Variants in PHACTR2 observed in about 807,000 individuals in gnomAD.
The protein encoded by PHACTR2 is phosphatase and actin regulator 2.
Under a neutral mutation model 76.0 loss-of-function variants are expected in PHACTR2, and 30 were observed. The ratio of observed to expected loss-of-function variants is 0.39; its 90% CI spans 0.30 to 0.54. PHACTR2 has a LOEUF of 0.54. Ranked by LOEUF, PHACTR2 falls within the 20% of genes least tolerant of loss-of-function variation. The pLI is 0.61. For missense variants in PHACTR2, 696 were observed against 781.1 expected (o/e 0.89, Z 1.30); for synonymous variants, 292 against 292.5 (o/e 1.00, Z 0.02).
At chr6:143,778,288 G>C (rs1245283478) in intron 9 of PHACTR2, among the ~76,000 whole-genome samples, 2 of 152,180 alleles carry the variant, frequency 1.3e-5, no homozygotes, top group Non-Finnish European at 2.9e-5. Context: ...TGGCCTGCTA[G>C]AAGACCCCTC....
At chr6:143,635,498 T>C (rs1315864558) in intron 1 of PHACTR2, among the ~76,000 whole-genome samples, 1 of 152,234 alleles carries the variant, frequency 6.6e-6, no homozygotes, top group Non-Finnish European at 1.5e-5. Context: ...GAGTTTTCCT[T>C]CTAAATGTTT....
At chr6:143,575,577 CTG>C (rs1347837482) in intron 1 of PHACTR2, among the ~76,000 whole-genome samples, 2 of 152,218 alleles carry the variant, frequency 1.3e-5, no homozygotes, top group Non-Finnish European at 2.9e-5. Flanking sequence ...CAATGTAATA[CTG>C]GTAAGACACC....
Position 143,700,839 on chromosome 6 carries a change from T to C in PHACTR2, c.47-11177T>C, listed in dbSNP as rs1345745104. Among the ~76,000 whole-genome samples the C allele has an allele frequency of 6.6e-6, 1 of 152,234 alleles. No individual in the cohort carries two copies. The highest frequency in any genetic ancestry group is 1.5e-5 in the Non-Finnish European group (1 of 68,034). On this transcript the variant is annotated intron_variant, in intron 1 of 12. Coordinates refer to ENST00000440869, the MANE Select transcript of PHACTR2 (RefSeq NM_001100164.2). The surrounding 1 kb of genome is among the most constrained non-coding windows in gnomAD (Gnocchi z 4.1). ...ACTTCAGACTCCGGGAGTTGTTGTA[T>C]ATGACTAACATCTACGGGGAACAAG...
chr6:143,676,101 T>A (rs140046379), upstream of PHACTR2, among the ~76,000 whole-genome samples: 193 of 152,298 alleles, frequency 1.3e-3, no homozygotes, highest in African/African-American at 4.0e-3. The surrounding 1 kb of genome is among the most constrained non-coding windows in gnomAD (Gnocchi z 4.8). Flanking sequence ...TTCCTGCAGT[T>A]TTGGTTGACA....
At chr6:143,620,014 T>C (rs1776124706) in intron 1 of PHACTR2, among the ~76,000 whole-genome samples, 1 of 152,204 alleles carries the variant, frequency 6.6e-6, no homozygotes, top group Non-Finnish European at 1.5e-5. Context: ...TCATTAACCT[T>C]AGGGTCACTT....
At chr6:143,797,300 C>A (rs1367245825) in intron 11 of PHACTR2, among the ~76,000 whole-genome samples, 1 of 152,132 alleles carries the variant, frequency 6.6e-6, no homozygotes. Context: ...TTTGTAGATT[C>A]TGGATATTAG....
chr6:143,571,281 G>C lies in PHACTR2; in HGVS notation c.217+34074G>C, dbSNP rs1775444322. On this transcript the variant is annotated intron_variant, in intron 1 of 11. Coordinates refer to the PHACTR2 transcript ENST00000367584. This position sits in a 1 kb window ranked among gnomAD's most constrained non-coding sequence, Gnocchi z 4.6. ...GTGACTTTCTAGTTATCATCCTTCT[G>C]CATTTATCAATTGGAATTCTACTAC... Among the ~76,000 whole-genome samples, 1 of 152,164 alleles carries C rather than the reference G, an allele frequency of 6.6e-6. No individual in the cohort carries two copies. The highest frequency in any genetic ancestry group is 1.5e-5 in the Non-Finnish European group (1 of 68,018).
Position 143,627,354 on chromosome 6 carries a change from C to G in PHACTR2, c.13+19032C>G, listed in dbSNP as rs967498152. Among the ~76,000 whole-genome samples the G allele has an allele frequency of 9.2e-5, 14 of 152,194 alleles. No homozygotes were observed. The highest frequency in any genetic ancestry group is 3.4e-4 in the African/African-American group (14 of 41,448). The stretch of plus-strand genomic sequence containing the variant: ...TTCATCAGACTTAGACCAGAATGAT[C>G]TTGACTAATTTAAAAAAATTTGTGG... On this transcript the variant is annotated intron_variant, in intron 1 of 11. Coordinates refer to the PHACTR2 transcript ENST00000305766. The surrounding 1 kb of genome is among the most constrained non-coding windows in gnomAD (Gnocchi z 4.3).
intron 2 of PHACTR2, among the ~76,000 whole-genome samples, chr6:143,746,862 G>A (rs376917446): frequency 5.3e-5 from 8 of 151,488 alleles, no homozygotes; most frequent in African/African-American, 1.5e-4. Flanking sequence ...CTCTTTGCCC[G>A]GTTAACTTTT....
upstream of PHACTR2, among the ~76,000 whole-genome samples, chr6:143,604,297 G>A (rs1282735485): frequency 6.6e-6 from 1 of 152,174 alleles, no homozygotes; most frequent in South Asian, 2.1e-4. Flanking sequence ...TAATTACGTG[G>A]ACAGTTTACT....
chr6:143,633,529 A>G lies in PHACTR2; in HGVS notation c.13+25207A>G, dbSNP rs187080172. On this transcript the variant is annotated intron_variant, in intron 1 of 11. Transcript: ENST00000305766. The surrounding 1 kb of genome is among the most constrained non-coding windows in gnomAD (Gnocchi z 4.1). ...TTATTGTTGTGCTTGAAGAGTTTAT[A>G]TTTTGGGTAACCATCATTTATCAGA... is the stretch of plus-strand genomic sequence containing the variant. Among the ~76,000 whole-genome samples, 1 of 152,204 alleles carries G rather than the reference A, an allele frequency of 6.6e-6. No individual in the cohort carries two copies. The highest frequency in any genetic ancestry group is 2.4e-5 in the African/African-American group (1 of 41,510).
rs768010609 is a variant in PHACTR2, at chr6:143,552,068, G to T, written c.217+14861G>T. ...CCTCTCTTCGAGTTCACTTTGAGTA[G>T]TAGACTTTTGTAATCTCAATGGTGC... is the stretch of plus-strand genomic sequence containing the variant. On this transcript the variant is annotated intron_variant, in intron 1 of 11. Transcript: ENST00000367584. Among the ~76,000 whole-genome samples, 3 of 152,188 alleles carry T rather than the reference G, an allele frequency of 2.0e-5. No homozygotes were observed. The East Asian group carries it at 5.8e-4, about 29-fold the overall frequency.
In PHACTR2 at chr6:143,562,723, G is replaced by A. The variant is rs1775299001; in HGVS notation, c.217+25516G>A. ...CATTAAAGAACATATCTAAGGCATTGGAAATAGATCATCCACAGTTATTCC... is the reference window on the plus strand; with the variant it reads ...CATTAAAGAACATATCTAAGGCATTAGAAATAGATCATCCACAGTTATTCC... On this transcript the variant is annotated intron_variant, in intron 1 of 11. Transcript: ENST00000367584. This position sits in a 1 kb window ranked among gnomAD's most constrained non-coding sequence, Gnocchi z 5.1. 6.6e-6 allele frequency among the ~76,000 whole-genome samples: 1 copy of A among 152,162 alleles called. No individual in the cohort carries two copies. Among genetic ancestry groups the A allele is most frequent in the Non-Finnish European group, 1.5e-5 (1 of 68,028 alleles).
In PHACTR2 at chr6:143,807,606, A is replaced by G. The variant is rs1256035455; in HGVS notation, c.1922+473A>G. On this transcript the variant is annotated intron_variant, in intron 12 of 12. Coordinates refer to ENST00000440869, the MANE Select transcript of PHACTR2 (RefSeq NM_001100164.2). This position sits in a 1 kb window ranked among gnomAD's most constrained non-coding sequence, Gnocchi z 5.5. ...GACTTAGTTGAAGTTGTATGCCCAG[A>G]ATAGATGCTGGCGAGAGTCAGTGTG... 6.6e-6 allele frequency among the ~76,000 whole-genome samples: 1 copy of G among 152,264 alleles called. No individual in the cohort carries two copies. The highest frequency in any genetic ancestry group is 1.5e-5 in the Non-Finnish European group (1 of 68,042).
At chr6:143,566,687 A>C (rs77225081) in intron 1 of PHACTR2, among the ~76,000 whole-genome samples, 233 of 152,052 alleles carry the variant, frequency 1.5e-3, no homozygotes, top group African/African-American at 5.2e-3. Context: ...TGTCCCTCTT[A>C]CTAACTCATA....
At position 143,696,100 on chromosome 6, in the gene PHACTR2, G is replaced by A. The variant is rs1320858839; in HGVS notation, c.47-15916G>A. ...AAAATTCGCAATTTCCCAGCTGGTA[G>A]GAAATAGAGCCACGTCCAACTCTTA... is the stretch of plus-strand genomic sequence containing the variant. On this transcript the variant is annotated intron_variant, in intron 1 of 12. Transcript: ENST00000440869. This position sits in a 1 kb window ranked among gnomAD's most constrained non-coding sequence, Gnocchi z 4.1. 6.6e-6 allele frequency among the ~76,000 whole-genome samples: 1 copy of A among 152,170 alleles called. No individual in the cohort carries two copies. Among genetic ancestry groups the A allele is most frequent in the Non-Finnish European group, 1.5e-5 (1 of 68,028 alleles).
At chr6:143,814,216 T>G (rs1776248757) in intron 12 of PHACTR2, among the ~76,000 whole-genome samples, 1 of 152,064 alleles carries the variant, frequency 6.6e-6, no homozygotes, top group African/African-American at 2.4e-5. Flanking sequence ...ATTAGCTGGG[T>G]GTGGTGGTAC....
rs1207802928 is a variant in PHACTR2, at chr6:143,811,713, T to G, written c.1922+4580T>G. Among the ~76,000 whole-genome samples, 1 of 152,200 alleles carries G rather than the reference T, an allele frequency of 6.6e-6. No homozygotes were observed. Among genetic ancestry groups the G allele is most frequent in the African/African-American group, 2.4e-5 (1 of 41,446 alleles). Reference sequence around the variant, plus strand: ...AACTTATGACATCATTCGAGATATATTCCAGTAGGGATATAGTTTGTCTCC... The same window carrying G: ...AACTTATGACATCATTCGAGATATAGTCCAGTAGGGATATAGTTTGTCTCC... On this transcript the variant is annotated intron_variant, in intron 12 of 12. Transcript: ENST00000440869. This position sits in a 1 kb window ranked among gnomAD's most constrained non-coding sequence, Gnocchi z 4.1.
At chr6:143,785,375 G>A (rs1359326716) in intron 10 of PHACTR2, among the ~76,000 whole-genome samples, 1 of 152,220 alleles carries the variant, frequency 6.6e-6, no homozygotes, top group Non-Finnish European at 1.5e-5. Flanking sequence ...TGCAAGAGGT[G>A]GGTTCCCATG....
Sources: gnomAD v4.1 joint callset for allele counts (sites outside exome capture counted in the v4.1 genomes callset) on GRCh38, gnomAD v4.1.1 for gene constraint, Gnocchi (gnomAD v3.1) non-coding constraint, MANE v1.5 for transcripts, NCBI Gene and HGNC (gene_info 2026-07-23, HGNC 2026-07-21) for gene names.